Variants in RSPO2 observed in about 807,000 individuals in gnomAD.
RSPO2 encodes the protein R-spondin 2.
In RSPO2, 14 loss-of-function variants were observed where a neutral mutation model predicts 30.9. That is an observed-to-expected ratio of 0.45 (90% CI 0.30 to 0.71). The LOEUF is 0.71. Among genes scored for constraint, RSPO2 ranks in the 30% least tolerant of loss-of-function variants. The pLI, the probability that RSPO2 is intolerant of heterozygous loss-of-function variation, is 0.08. For missense variants in RSPO2, 264 were observed against 301.9 expected (o/e 0.87, Z 0.93); for synonymous variants, 107 against 96.4 (o/e 1.11, Z -0.64).
Position 107,900,983 on chromosome 8 carries a change from C to T in RSPO2, c.*92G>A. On this transcript the variant is annotated 3_prime_UTR_variant, in exon 6 of 6. Coordinates refer to ENST00000276659, the MANE Select transcript of RSPO2 (RefSeq NM_178565.5). ...GGAACAGATACTGGGCAGAGCAGCA[C>T]AAAGGCTGCACACCAGTGTGCAGGA... 1.4e-6 allele frequency: 2 copies of T among 1,380,480 alleles called. No homozygotes were observed. Among genetic ancestry groups the T allele is most frequent in the Non-Finnish European group, 2.0e-6 (2 of 1,000,400 alleles). 85.5% of individuals were successfully genotyped at this position (1,380,480 alleles called of 1,614,324 possible).
intron 5 of RSPO2, among the ~76,000 whole-genome samples, chr8:107,936,263 C>G (rs1451641407): frequency 1.3e-5 from 2 of 152,088 alleles, no homozygotes; most frequent in African/African-American, 4.8e-5. Context: ...CATGTTATTG[C>G]AAAATGATGA....
intron 3 of RSPO2, among the ~76,000 whole-genome samples, chr8:107,984,834 T>C (rs1814570417): frequency 6.6e-6 from 1 of 152,212 alleles, no homozygotes; most frequent in Non-Finnish European, 1.5e-5. Flanking sequence ...ATGGTAGTTA[T>C]GCCAAAGGAG....
In RSPO2 at chr8:108,052,698, G is replaced by A. The variant is rs192078304; in HGVS notation, c.94+29847C>T. On this transcript the variant is annotated intron_variant, in intron 2 of 5. Coordinates refer to ENST00000276659, the MANE Select transcript of RSPO2 (RefSeq NM_178565.5). ...CACACACCATCCAATTAATTCTCAC[G>A]ACAAAATTATAAACTAGATAACTAC... Among the ~76,000 whole-genome samples, 193 of 152,156 alleles carry A rather than the reference G, an allele frequency of 1.3e-3. 2 individuals are homozygous for A. Among genetic ancestry groups the A allele is most frequent in the African/African-American group, 4.4e-3 (183 of 41,500 alleles).
chr8:107,919,946 T>C (rs986368696), intron 5 of RSPO2, among the ~76,000 whole-genome samples: 3 of 152,246 alleles, frequency 2.0e-5, no homozygotes, highest in South Asian at 4.1e-4. Flanking sequence ...ATGAAGAACA[T>C]TTTTCACTGA....
chr8:108,039,273 A>C (rs1205567753), intron 2 of RSPO2, among the ~76,000 whole-genome samples: 1 of 152,202 alleles, frequency 6.6e-6, no homozygotes, highest in African/African-American at 2.4e-5. Context: ...TTTTACTTGC[A>C]GCAATTCCTC....
At chr8:108,043,803 A>C (rs966622733) in intron 2 of RSPO2, among the ~76,000 whole-genome samples, 1 of 152,142 alleles carries the variant, frequency 6.6e-6, no homozygotes, top group African/African-American at 2.4e-5. Flanking sequence ...GAGGAAAGGA[A>C]AGAAGTCTCT....
intron 2 of RSPO2, among the ~76,000 whole-genome samples, chr8:108,003,293 ATATATATATATATATATATTT>A (rs1374185852): frequency 5.6e-5 from 4 of 72,048 alleles, no homozygotes; most frequent in Non-Finnish European, 9.1e-5. Context: ...ATATATATAT[ATATATATATATATATATATTT>A]TTTTTTTTTT....
At chr8:107,984,782 G>A (rs1345263575) in intron 3 of RSPO2, among the ~76,000 whole-genome samples, 2 of 152,128 alleles carry the variant, frequency 1.3e-5, no homozygotes, top group Non-Finnish European at 2.9e-5. Flanking sequence ...AAATAGTGTT[G>A]CCATGAATAA....
intron 3 of RSPO2, among the ~76,000 whole-genome samples, chr8:107,982,920 TATTGTTTGGA>T (rs1183276422): frequency 4.6e-5 from 7 of 152,176 alleles, no homozygotes; most frequent in Non-Finnish European, 1.0e-4. Flanking sequence ...TTAGGTATTG[TATTGTTTGGA>T]CATTTGAGTT....
chr8:107,936,725 A>C (rs1282287615), intron 5 of RSPO2, among the ~76,000 whole-genome samples: 1 of 152,064 alleles, frequency 6.6e-6, no homozygotes, highest in African/African-American at 2.4e-5. Flanking sequence ...TCAGAGGTAC[A>C]AGTACAGGTC....
intron 2 of RSPO2, among the ~76,000 whole-genome samples, chr8:107,996,317 T>C (rs1367102349): frequency 6.6e-6 from 1 of 152,158 alleles, no homozygotes; most frequent in Non-Finnish European, 1.5e-5. Context: ...TATGACTCTT[T>C]CACGAAAAAG....
intron 2 of RSPO2, among the ~76,000 whole-genome samples, chr8:108,026,332 A>G (rs1811216622): frequency 6.6e-6 from 1 of 152,192 alleles, no homozygotes; most frequent in Admixed American, 6.5e-5. Flanking sequence ...TAGATCTAAA[A>G]CAATTTTTTC....
intron 5 of RSPO2, among the ~76,000 whole-genome samples, chr8:107,914,505 G>T (rs868084584): frequency 1.3e-5 from 2 of 151,330 alleles, no homozygotes; most frequent in African/African-American, 4.8e-5. Flanking sequence ...TATAAAAATA[G>T]AAGTGTTTTC....
chr8:108,082,475 G>T, intron 2 of RSPO2, 70 bp downstream of exon 2: 1 of 1,214,810 alleles, frequency 8.2e-7, no homozygotes. Context: ...CCCGGAGCCA[G>T]GGCGTGAGTG....
intron 5 of RSPO2, among the ~76,000 whole-genome samples, chr8:107,945,482 T>C (rs1813032936): frequency 6.6e-6 from 1 of 151,936 alleles, no homozygotes; most frequent in Non-Finnish European, 1.5e-5. Context: ...TCTCCTGACT[T>C]TGTGATCTGC....
intron 2 of RSPO2, among the ~76,000 whole-genome samples, chr8:107,999,923 T>G (rs1488462879): frequency 6.6e-6 from 1 of 152,184 alleles, no homozygotes; most frequent in Non-Finnish European, 1.5e-5. Flanking sequence ...CTGAAGGACA[T>G]TCACAACCTG....
intron 2 of RSPO2, among the ~76,000 whole-genome samples, chr8:108,061,292 C>G (rs1812454838): frequency 6.6e-6 from 1 of 151,814 alleles, no homozygotes; most frequent in Non-Finnish European, 1.5e-5. Flanking sequence ...GGAGACCCAT[C>G]TCATGTGCAG....
chr8:107,938,697 AAT>A (rs1812795187), intron 5 of RSPO2, among the ~76,000 whole-genome samples: 1 of 152,200 alleles, frequency 6.6e-6, no homozygotes, highest in Admixed American at 6.5e-5. Flanking sequence ...ACCAAAATAA[AAT>A]AAAGATCTGG....
intron 2 of RSPO2, among the ~76,000 whole-genome samples, chr8:107,996,674 G>C (rs1815035281): frequency 6.6e-6 from 1 of 152,072 alleles, no homozygotes; most frequent in African/African-American, 2.4e-5. Context: ...CATAAATCAT[G>C]CTCCACAGTA....
Sources: gnomAD v4.1 joint callset for allele counts (sites outside exome capture counted in the v4.1 genomes callset) on GRCh38, gnomAD v4.1.1 for gene constraint, MANE v1.5 for transcripts, NCBI Gene and HGNC (gene_info 2026-07-23, HGNC 2026-07-21) for gene names.